Variants in TUSC3 observed in about 807,000 individuals in gnomAD.
TUSC3 encodes tumor suppressor candidate 3, also known as dolichyl-diphosphooligosaccharide--protein glycosyltransferase subunit TUSC3.
TUSC3 carries 45 observed loss-of-function variants against 44.8 expected under a neutral mutation model. That is an observed-to-expected ratio of 1.00 (90% CI 0.79 to 1.29). TUSC3 has a LOEUF of 1.29. Ranked by LOEUF, TUSC3 falls within the 50% of genes most tolerant of loss-of-function variation. TUSC3 has a pLI of 0.00. For synonymous variants in TUSC3, 212 were observed against 152.9 expected (o/e 1.39, Z -2.85); for missense variants, 519 against 437.9 (o/e 1.19, Z -1.65).
upstream of TUSC3, among the ~76,000 whole-genome samples, chr8:15,536,681 C>CAAAAAAAAAAAAAAAAAAAAAAAAAAAA (rs570573410): frequency 4.4e-5 from 2 of 45,572 alleles, 1 homozygote; most frequent in Non-Finnish European, 8.7e-5. Context: ...GATTCCGTCT[C>CAAAAAAAAAAAAAAAAAAAAAAAAAAAA]AAAAAAAAAA....
chr8:15,826,760 GA>G, the TUSC3 span, among the ~76,000 whole-genome samples: 21,300 of 151,602 alleles, frequency 0.14, 1,655 homozygotes, highest in East Asian at 0.25. Flanking sequence ...TATGGTGAGG[GA>G]AAAAAAAGAG....
intron 2 of TUSC3, among the ~76,000 whole-genome samples, chr8:15,500,099 C>T (rs1800938661): frequency 6.6e-6 from 1 of 152,118 alleles, no homozygotes; most frequent in Non-Finnish European, 1.5e-5. Flanking sequence ...TCCTCTATTA[C>T]CTTGACTGTC....
chr8:15,810,205 TC>T, the TUSC3 span, among the ~76,000 whole-genome samples: 1 of 152,134 alleles, frequency 6.6e-6, no homozygotes, highest in Non-Finnish European at 1.5e-5. Context: ...GGGGTGGGGC[TC>T]AGAAATCCAT....
chr8:15,539,269 A>T (rs1432335369), upstream of TUSC3, among the ~76,000 whole-genome samples: 1 of 151,548 alleles, frequency 6.6e-6, no homozygotes, highest in Non-Finnish European at 1.5e-5. Flanking sequence ...TAGATACTAG[A>T]GTAATAAAAA....
chr8:15,431,829 G>A (rs1245254827), intron 1 of TUSC3, among the ~76,000 whole-genome samples: 1 of 52,294 alleles, frequency 1.9e-5, no homozygotes, highest in African/African-American at 3.5e-5. Context: ...TTATGTTGAG[G>A]TACTTGCCTT....
chr8:15,746,283 T>A (rs189795257), intron 8 of TUSC3, among the ~76,000 whole-genome samples: 44 of 152,250 alleles, frequency 2.9e-4, no homozygotes, highest in African/African-American at 1.1e-3. Flanking sequence ...TGTTTGTTTC[T>A]CTAACTCCAG....
chr8:15,467,723 C>T (rs185628430), intron 1 of TUSC3, among the ~76,000 whole-genome samples: 7 of 152,144 alleles, frequency 4.6e-5, no homozygotes, highest in Non-Finnish European at 1.0e-4. Context: ...CTTTGACCAT[C>T]TAATGTTCTT....
chr8:15,677,880 C>G (rs1457356045), intron 6 of TUSC3, among the ~76,000 whole-genome samples: 1 of 152,186 alleles, frequency 6.6e-6, no homozygotes, highest in Non-Finnish European at 1.5e-5. Flanking sequence ...TTGGAGAGGC[C>G]TCGTCTGCAT....
chr8:15,695,476 T>G (rs1209915094), intron 6 of TUSC3, among the ~76,000 whole-genome samples: 1 of 152,188 alleles, frequency 6.6e-6, no homozygotes, highest in Admixed American at 6.5e-5. Context: ...CTTCCCAGGC[T>G]TGGGTGTGTC....
At chr8:15,520,169 C>G (rs1011363849) in intron 2 of TUSC3, among the ~76,000 whole-genome samples, 1 of 152,128 alleles carries the variant, frequency 6.6e-6, no homozygotes, top group African/African-American at 2.4e-5. Flanking sequence ...GTAAGCACCC[C>G]TTTTCTGCAA....
At chr8:15,798,717 C>A in the TUSC3 span, among the ~76,000 whole-genome samples, 1 of 152,060 alleles carries the variant, frequency 6.6e-6, no homozygotes, top group Non-Finnish European at 1.5e-5. Flanking sequence ...GCTTTCCAGC[C>A]GGGACCACTA....
At chr8:15,786,585 C>T in the TUSC3 span, among the ~76,000 whole-genome samples, 2 of 152,014 alleles carry the variant, frequency 1.3e-5, no homozygotes, top group African/African-American at 4.8e-5. Flanking sequence ...TTCTAGTTCC[C>T]TTAGTCTTCA....
intron 1 of TUSC3, among the ~76,000 whole-genome samples, chr8:15,453,543 TC>T (rs1800219561): frequency 6.6e-6 from 1 of 152,240 alleles, no homozygotes; most frequent in South Asian, 2.1e-4. Flanking sequence ...CAAATCACTT[TC>T]TTCTCCCATC....
At chr8:15,813,781 G>A in the TUSC3 span, among the ~76,000 whole-genome samples, 1 of 149,940 alleles carries the variant, frequency 6.7e-6, no homozygotes, top group Non-Finnish European at 1.5e-5. Flanking sequence ...TTTTTTTTTA[G>A]CCATTCAGTG....
chr8:15,593,592 G>A (rs1402094010), intron 1 of TUSC3, among the ~76,000 whole-genome samples: 2 of 152,046 alleles, frequency 1.3e-5, no homozygotes, highest in South Asian at 2.1e-4. Context: ...TATTTGCCAT[G>A]TATTGTCACA....
chr8:15,761,369 T>C (rs1184509496), intron 10 of TUSC3, among the ~76,000 whole-genome samples: 1 of 152,120 alleles, frequency 6.6e-6, no homozygotes, highest in Non-Finnish European at 1.5e-5. Context: ...TAAGCAAAAA[T>C]AAAGTGACAC....
chr8:15,665,119 G>C (rs1224560369), intron 5 of TUSC3, among the ~76,000 whole-genome samples: 1 of 151,554 alleles, frequency 6.6e-6, no homozygotes, highest in Non-Finnish European at 1.5e-5. Context: ...GGAAAAAAAT[G>C]TATATTTTTA....
chr8:15,621,982 C>A (rs1275484484), intron 1 of TUSC3, among the ~76,000 whole-genome samples: 2 of 151,882 alleles, frequency 1.3e-5, no homozygotes, highest in Non-Finnish European at 2.9e-5. Context: ...AGTCTTTTAC[C>A]TTAACTCAGG....
chr8:15,554,261 T>C (rs928925867), intron 1 of TUSC3, among the ~76,000 whole-genome samples: 12 of 151,780 alleles, frequency 7.9e-5, no homozygotes, highest in Non-Finnish European at 1.8e-4. Flanking sequence ...GATTTAACTT[T>C]CCTAATATTT....
Sources: gnomAD v4.1 joint callset for allele counts (sites outside exome capture counted in the v4.1 genomes callset) on GRCh38, gnomAD v4.1.1 for gene constraint, MANE v1.5 for transcripts, NCBI Gene and HGNC (gene_info 2026-07-23, HGNC 2026-07-21) for gene names.